Variants in CSMD3 observed in about 807,000 individuals in gnomAD.
The protein encoded by CSMD3 is CUB and sushi domain-containing protein 3.
A neutral mutation model predicts 435.2 loss-of-function variants in CSMD3; 177 were observed. That is an observed-to-expected ratio of 0.41 (90% confidence interval 0.36 to 0.46). The LOEUF is 0.46. Ranked by LOEUF, CSMD3 falls within the 20% of genes least tolerant of loss-of-function variation. CSMD3 has a pLI of 0.34. For missense variants in CSMD3, 4,265 were observed against 4,504.6 expected (o/e 0.95, Z 1.52); for synonymous variants, 1,656 against 1,520.5 (o/e 1.09, Z -2.07).
intron 32 of CSMD3, among the ~76,000 whole-genome samples, chr8:112,448,755 T>TAAAAAAAAA (rs199998820): frequency 3.9e-5 from 5 of 127,190 alleles, no homozygotes; most frequent in East Asian, 2.3e-4. Context: ...TACAATCTAT[T>TAAAAAAAAA]AAAAAAAAAA....
intron 10 of CSMD3, among the ~76,000 whole-genome samples, chr8:112,918,793 T>TA (rs2082646245): frequency 1.3e-5 from 2 of 152,086 alleles, no homozygotes; most frequent in Admixed American, 1.3e-4. Context: ...TTAATCCCTT[T>TA]AAAAATCACC....
intron 9 of CSMD3, among the ~76,000 whole-genome samples, chr8:112,940,886 G>GA (rs1262261777): frequency 6.6e-6 from 1 of 151,768 alleles, no homozygotes; most frequent in Admixed American, 6.6e-5. Context: ...AAAATTAATG[G>GA]AAAATGCTAA....
rs935823273 is a variant in CSMD3, at chr8:112,375,671, T to A, written c.6136+4681A>T. 9.9e-5 allele frequency among the ~76,000 whole-genome samples: 15 copies of A among 152,244 alleles called. No homozygotes were observed. In the East Asian group the frequency reaches 2.5e-3, roughly 25 times the overall value. On this transcript the variant is annotated intron_variant, in intron 38 of 70. Coordinates refer to ENST00000297405, the MANE Select transcript of CSMD3 (RefSeq NM_198123.2). ...ATCTTGTTAAATATTAATGATCATA[T>A]CTTATACAAATAAAGGATTTTTGCA...
intron 22 of CSMD3, among the ~76,000 whole-genome samples, chr8:112,631,804 A>T (rs2074523459): frequency 6.6e-6 from 1 of 152,006 alleles, no homozygotes; most frequent in Non-Finnish European, 1.5e-5. Flanking sequence ...CATCTTAAAA[A>T]AAAATTGGGT....
At chr8:112,521,917 C>A (rs1263884770) in intron 27 of CSMD3, among the ~76,000 whole-genome samples, 1 of 151,424 alleles carries the variant, frequency 6.6e-6, no homozygotes. Context: ...ATTATAATAA[C>A]CATATAAAAA....
intron 17 of CSMD3, among the ~76,000 whole-genome samples, chr8:112,658,909 C>T (rs1282043475): frequency 2.0e-5 from 3 of 151,888 alleles, no homozygotes; most frequent in Non-Finnish European, 4.4e-5. Context: ...GGGCCGAGAT[C>T]GCACCACTGC....
At chr8:113,135,183 T>A (rs144727819) in intron 4 of CSMD3, among the ~76,000 whole-genome samples, 1 of 152,110 alleles carries the variant, frequency 6.6e-6, no homozygotes, top group East Asian at 1.9e-4. Flanking sequence ...TGACACATAT[T>A]AGGCTGTAGA....
At chr8:112,420,039 T>A (rs927017605) in intron 32 of CSMD3, among the ~76,000 whole-genome samples, 1 of 151,826 alleles carries the variant, frequency 6.6e-6, no homozygotes, top group African/African-American at 2.4e-5. Context: ...CCTTTCATAT[T>A]TTTTTTTACA....
intron 53 of CSMD3, among the ~76,000 whole-genome samples, chr8:112,297,147 G>A (rs1820375829): frequency 6.8e-6 from 1 of 146,878 alleles, no homozygotes. Context: ...AGCTTTTAAT[G>A]GGGAAAATAA....
At chr8:112,347,747 C>G (rs551681060) in intron 40 of CSMD3, among the ~76,000 whole-genome samples, 2 of 152,228 alleles carry the variant, frequency 1.3e-5, no homozygotes, top group Non-Finnish European at 2.9e-5. Context: ...TTCAATTGTT[C>G]ACACATATTC....
chr8:113,432,627 G>T (rs1198096540), intron 1 of CSMD3, among the ~76,000 whole-genome samples: 2 of 152,192 alleles, frequency 1.3e-5, no homozygotes, highest in East Asian at 3.9e-4. Context: ...TGGGGGACGG[G>T]GACGTTGCAG....
At chr8:113,197,782 G>A (rs1280578032) in intron 3 of CSMD3, among the ~76,000 whole-genome samples, 1 of 150,802 alleles carries the variant, frequency 6.6e-6, no homozygotes, top group Non-Finnish European at 1.5e-5. Flanking sequence ...ATCATTTTAT[G>A]ACAATCTTAA....
chr8:112,623,506 G>A lies in CSMD3; in HGVS notation c.3715+13311C>T, dbSNP rs529594492. Among the ~76,000 whole-genome samples, 413 of 152,040 alleles carry A rather than the reference G, an allele frequency of 2.7e-3. 2 individuals carry two copies. Among genetic ancestry groups the A allele is most frequent in the Non-Finnish European group, 4.3e-3 (292 of 67,950 alleles). ...CAATATAGTAGAACTTCATTGATGA[G>A]AATATTTTATTCATTTTTTTTATTA... On this transcript the variant is annotated intron_variant, in intron 22 of 70. Transcript: ENST00000297405.
At chr8:112,399,038 T>C (rs1831093734) in intron 35 of CSMD3, among the ~76,000 whole-genome samples, 1 of 151,686 alleles carries the variant, frequency 6.6e-6, no homozygotes, top group South Asian at 2.1e-4. Flanking sequence ...TGCCTCAGCC[T>C]CCTGAGTAGC....
At chr8:113,158,236 A>G (rs529417990) in intron 4 of CSMD3, among the ~76,000 whole-genome samples, 109 of 152,106 alleles carry the variant, frequency 7.2e-4, no homozygotes, top group African/African-American at 2.5e-3. Flanking sequence ...AGAAGCAGTC[A>G]GCAGAGTCCA....
chr8:112,776,313 T>G (rs1231278800), intron 13 of CSMD3, among the ~76,000 whole-genome samples: 1 of 151,800 alleles, frequency 6.6e-6, no homozygotes, highest in African/African-American at 2.4e-5. Context: ...TTGAATCATA[T>G]TTCTCAGTTT....
chr8:113,258,127 A>G (rs2093398612), intron 3 of CSMD3, among the ~76,000 whole-genome samples: 1 of 152,218 alleles, frequency 6.6e-6, no homozygotes, highest in Non-Finnish European at 1.5e-5. Flanking sequence ...CTGTTAGAAT[A>G]ATAGTTGCTT....
At chr8:113,298,408 A>T (rs2093738466) in intron 2 of CSMD3, among the ~76,000 whole-genome samples, 1 of 152,140 alleles carries the variant, frequency 6.6e-6, no homozygotes, top group African/African-American at 2.4e-5. Flanking sequence ...TGATATAATC[A>T]TTTTCAACAT....
intron 32 of CSMD3, among the ~76,000 whole-genome samples, chr8:112,415,127 T>C (rs1811768181): frequency 6.6e-6 from 1 of 152,208 alleles, no homozygotes; most frequent in Non-Finnish European, 1.5e-5. Flanking sequence ...CTCCAGAGCA[T>C]GTCAGAGACC....
Sources: allele counts gnomAD v4.1 joint callset (sites outside exome capture counted in the v4.1 genomes callset), GRCh38; gene constraint gnomAD v4.1.1; transcripts MANE v1.5; gene names NCBI Gene and HGNC (gene_info 2026-07-23, HGNC 2026-07-21).